YEATS2: variants seen among roughly 807,000 people sequenced by gnomAD.
The protein encoded by YEATS2 is YEATS domain-containing protein 2.
YEATS2 carries 77 observed loss-of-function variants against 163.2 expected under a neutral mutation model. That is an observed-to-expected ratio of 0.47 (90% CI 0.39 to 0.57). YEATS2 has a LOEUF of 0.57. Ranked by LOEUF, YEATS2 falls within the 20% of genes least tolerant of loss-of-function variation. The probability of loss-of-function intolerance (pLI) is 0.00; values close to 1 mark genes in which losing one functional copy is unlikely to be tolerated. For synonymous variants in YEATS2, 631 were observed against 645.1 expected, an observed-to-expected ratio of 0.98 and a Z score of 0.33; for missense variants, 1,549 against 1,729.8, an observed-to-expected ratio of 0.90 and a Z score of 1.85.
intron 1 of YEATS2, among the ~76,000 whole-genome samples, chr3:183,714,785 C>T (rs78484860): frequency 0.021 from 3,160 of 152,234 alleles, 92 homozygotes; most frequent in East Asian, 0.14. Flanking sequence ...TGGTTCCTTT[C>T]CTTTCCTTAT....
chr3:183,699,036 G>T (rs1190607872), intron 1 of YEATS2, among the ~76,000 whole-genome samples: 1 of 152,154 alleles, frequency 6.6e-6, no homozygotes, highest in Non-Finnish European at 1.5e-5. Flanking sequence ...TGATCCGACT[G>T]CTATGTAGAG....
intron 15 of YEATS2, among the ~76,000 whole-genome samples, chr3:183,766,021 T>G (rs1335477119): frequency 6.6e-6 from 1 of 152,010 alleles, no homozygotes; most frequent in African/African-American, 2.4e-5. Context: ...CATACAACTT[T>G]GGGACAACAG....
rs372518597 is a variant in YEATS2 at position 183,758,971 on chromosome 3, A to G, written c.1656+6A>G. 8.6e-6 allele frequency: 13 copies of G among 1,507,304 alleles called. No homozygotes were observed. The African/African-American group carries it at 1.6e-4, about 18-fold the overall frequency. 93.4% of individuals were successfully genotyped at this position (1,507,304 alleles called of 1,614,324 possible). On this transcript the variant is annotated splice_donor_region_variant and intron_variant, in intron 13 of 30. Coordinates refer to ENST00000305135, the MANE Select transcript of YEATS2 (RefSeq NM_018023.5). ...TTGTAACATCTACTGTCAAGGTAAC[A>G]TTCTTACTGCGTTATTACACTTTGC... is the stretch of plus-strand genomic sequence containing the variant.
chr3:183,751,785 G>A (rs952197683), intron 9 of YEATS2, among the ~76,000 whole-genome samples: 1 of 152,322 alleles, frequency 6.6e-6, no homozygotes, highest in East Asian at 1.9e-4. Context: ...TGGAGGAATA[G>A]CGTTGTAAGG....
chr3:183,721,098 A>G (rs1001393239), intron 4 of YEATS2, among the ~76,000 whole-genome samples: 3 of 152,030 alleles, frequency 2.0e-5, no homozygotes, highest in Non-Finnish European at 4.4e-5. Context: ...TTATCCTCTT[A>G]TGTTTTGATT....
At chr3:183,751,832 G>A (rs761411479) in intron 9 of YEATS2, among the ~76,000 whole-genome samples, 1 of 152,142 alleles carries the variant, frequency 6.6e-6, no homozygotes, top group East Asian at 1.9e-4. Context: ...CCAATTTTGT[G>A]AATAATTTCA....
In YEATS2 at chr3:183,812,148, A is replaced by G. The variant is rs1350681280; in HGVS notation, c.*1565A>G. 2 of 152,358 alleles carry G rather than the reference A, an allele frequency of 1.3e-5. No individual in the cohort carries two copies. Among genetic ancestry groups the G allele is most frequent in the Non-Finnish European group, 2.9e-5 (2 of 68,182 alleles). 9.4% of individuals were successfully genotyped at this position (152,358 alleles called of 1,614,324 possible). A position where few individuals can be genotyped will look rare whatever the true frequency, so the allele number is the denominator to read the frequency against. On this transcript the variant is annotated 3_prime_UTR_variant, in exon 31 of 31. Transcript: ENST00000305135. ...TACTCGGGAGGCTGAGGCAGGAAGA[A>G]TCACTTGAACCCAGGAGGCGGAGGT...
intron 20 of YEATS2, 84 bp downstream of exon 20, chr3:183,786,385 G>T: frequency 7.5e-7 from 1 of 1,336,484 alleles, no homozygotes; most frequent in Non-Finnish European, 1.0e-6. Context: ...AGGCACACCA[G>T]TGGACCTTTT....
In YEATS2 at chr3:183,717,641, C is replaced by T; in HGVS notation, c.101-10C>T. On this transcript the variant is annotated splice_polypyrimidine_tract_variant and intron_variant, in intron 2 of 30. Coordinates refer to ENST00000305135, the MANE Select transcript of YEATS2 (RefSeq NM_018023.5). ...TTAGGCCTTGGATGTATTTTATGTTCTTTGTACAGCTCGAGATGCTGCTGT... is the reference window on the plus strand; with the variant it reads ...TTAGGCCTTGGATGTATTTTATGTTTTTTGTACAGCTCGAGATGCTGCTGT... 2 of 1,550,834 alleles carry T rather than the reference C, an allele frequency of 1.3e-6. No homozygotes were observed. The highest frequency in any genetic ancestry group is 1.7e-6 in the Non-Finnish European group (2 of 1,156,580).
In YEATS2 at chr3:183,702,785, G is replaced by C. The variant is rs985449341; in HGVS notation, c.-20+4792G>C. ...GGAGGCGGAGGTTGCAGTGAGCCAA[G>C]ATTGCGCCACTGCACTCCATCCTGG... On this transcript the variant is annotated intron_variant, in intron 1 of 30. Coordinates refer to ENST00000305135, the MANE Select transcript of YEATS2 (RefSeq NM_018023.5). Among the ~76,000 whole-genome samples the C allele has an allele frequency of 4.6e-5, 7 of 151,230 alleles. No homozygotes were observed. In the South Asian group the frequency reaches 1.0e-3, roughly 22 times the overall value.
intron 8 of YEATS2, among the ~76,000 whole-genome samples, chr3:183,744,154 C>T (rs1016061640): frequency 7.8e-6 from 1 of 128,282 alleles, no homozygotes; most frequent in African/African-American, 3.0e-5. Flanking sequence ...GGTCTGTTGC[C>T]CAGGCTGGAG....
At chr3:183,730,491 G>A (rs1227129537) in intron 7 of YEATS2, among the ~76,000 whole-genome samples, 1 of 152,090 alleles carries the variant, frequency 6.6e-6, no homozygotes, top group Non-Finnish European at 1.5e-5. Context: ...TGCCTCCTGA[G>A]AACTCTGCTG....
intron 20 of YEATS2, among the ~76,000 whole-genome samples, chr3:183,788,241 T>C (rs1724254178): frequency 6.6e-6 from 1 of 152,134 alleles, no homozygotes; most frequent in Non-Finnish European, 1.5e-5. Flanking sequence ...TACTAGATCT[T>C]ACTCATCCCT....
chr3:183,702,868 A>AGT (rs1386186446), intron 1 of YEATS2, among the ~76,000 whole-genome samples: 2 of 152,084 alleles, frequency 1.3e-5, no homozygotes, highest in Non-Finnish European at 2.9e-5. Flanking sequence ...AGTTACCTAA[A>AGT]GTCAGCTTTC....
intron 8 of YEATS2, among the ~76,000 whole-genome samples, chr3:183,743,414 A>G (rs1719181410): frequency 1.3e-5 from 2 of 151,982 alleles, no homozygotes; most frequent in South Asian, 4.2e-4. Flanking sequence ...ATCACGGCTC[A>G]CTGCATCCTT....
chr3:183,762,611 T>A (rs908712597), intron 15 of YEATS2, among the ~76,000 whole-genome samples: 1 of 152,186 alleles, frequency 6.6e-6, no homozygotes, highest in African/African-American at 2.4e-5. Context: ...TGTTGACTTG[T>A]TTATTTATGG....
chr3:183,810,540 TC>T lies in YEATS2; in HGVS notation c.4228del (p.Leu1410SerfsTer9). On this transcript the variant is annotated frameshift_variant, in exon 31 of 31. Transcript: ENST00000305135. LOFTEE classifies it high-confidence loss of function. The part of the protein sequence containing the change: ...QAICNIPFLD[F>X]LTNKHMGILN... ...ATTTGCAACATTCCTTTTCTGGACTTCCTCACAAACAAACACATGGGAATAT... is the reference window on the plus strand; with the variant it reads ...ATTTGCAACATTCCTTTTCTGGACTTCTCACAAACAAACACATGGGAATAT... 1 of 1,614,180 alleles carries T rather than the reference TC, an allele frequency of 6.2e-7. No individual in the cohort carries two copies. The highest frequency in any genetic ancestry group is 1.1e-5 in the South Asian group (1 of 91,086).
At position 183,800,527 on chromosome 3, in the gene YEATS2, GA is replaced by G; in HGVS notation, c.3391del (p.Thr1131GlnfsTer14). ...TCTCTCAGGAGGGTCAGACAGCAGTGAAAACAGAAGAAAGTTCTGAGCTGGG... is the reference window on the plus strand; with the variant it reads ...TCTCTCAGGAGGGTCAGACAGCAGTGAAACAGAAGAAAGTTCTGAGCTGGG... ...CLSQEGQTAV[K>X]TEESSELGNY... On this transcript the variant is annotated frameshift_variant, in exon 24 of 31. Coordinates refer to ENST00000305135, the MANE Select transcript of YEATS2 (RefSeq NM_018023.5). LOFTEE classifies it high-confidence loss of function. 1 of 1,614,166 alleles carries G rather than the reference GA, an allele frequency of 6.2e-7. No homozygotes were observed. The highest frequency in any genetic ancestry group is 8.5e-7 in the Non-Finnish European group (1 of 1,180,014).
intron 22 of YEATS2, 91 bp from the exon 23 acceptor site, chr3:183,798,800 T>A: frequency 3.0e-6 from 3 of 993,662 alleles, no homozygotes; most frequent in Non-Finnish European, 4.8e-6. Context: ...GTGCTGTTAG[T>A]CTAATGTGGG....
Sources: gnomAD v4.1 joint callset for allele counts (sites outside exome capture counted in the v4.1 genomes callset) on GRCh38, gnomAD v4.1.1 for gene constraint, MANE v1.5 for transcripts, NCBI Gene and HGNC (gene_info 2026-07-23, HGNC 2026-07-21) for gene names.